The following ADGRD1 variants were observed in gnomAD, a reference collection of about 807,000 sequenced individuals.
ADGRD1 encodes G-protein coupled receptor 133.
Under a neutral mutation model 113.4 loss-of-function variants are expected in ADGRD1, and 77 were observed. The ratio of observed to expected loss-of-function variants is 0.68; its 90% CI spans 0.57 to 0.82. The LOEUF is 0.82. Among genes scored for constraint, ADGRD1 ranks in the 40% least tolerant of loss-of-function variants. The pLI, the probability that ADGRD1 is intolerant of heterozygous loss-of-function variation, is 0.00. For synonymous variants in ADGRD1, 474 were observed against 475.0 expected (o/e 1.00, Z 0.03); for missense variants, 1,036 against 1,139.1 (o/e 0.91, Z 1.30).
chr12:131,134,981 C>T (rs560184918), intron 21 of ADGRD1, among the ~76,000 whole-genome samples: 132 of 152,330 alleles, frequency 8.7e-4, no homozygotes, highest in African/African-American at 3.0e-3. Flanking sequence ...AGGCATGTGA[C>T]AGTGGCTGAC....
chr12:130,984,883 TTC>T lies in ADGRD1; in HGVS notation c.491-2210_491-2209del, dbSNP rs998795572. 2.0e-5 allele frequency among the ~76,000 whole-genome samples: 3 copies of T among 147,524 alleles called. No homozygotes were observed. Among genetic ancestry groups the T allele is most frequent in the African/African-American group, 7.4e-5 (3 of 40,438 alleles). ...TCCCTTCCTTTCCTTCTTTCCTTCC[TTC>T]TTTCTTCTCTTCTCTCTCTCTCTCA... On this transcript the variant is annotated intron_variant, in intron 5 of 24. Transcript: ENST00000261654. The surrounding 1 kb of genome is among the most constrained non-coding windows in gnomAD (Gnocchi z 4.1).
At chr12:130,958,885 G>A (rs1870008654) in intron 2 of ADGRD1, among the ~76,000 whole-genome samples, 1 of 152,246 alleles carries the variant, frequency 6.6e-6, no homozygotes, top group African/African-American at 2.4e-5. Context: ...GAGCCCTGCG[G>A]TGGTGTCACG....
intron 13 of ADGRD1, among the ~76,000 whole-genome samples, chr12:131,024,922 G>A (rs2272508): frequency 0.24 from 36,979 of 152,186 alleles, 5,337 homozygotes; most frequent in South Asian, 0.4. Flanking sequence ...CCTGCTGGCT[G>A]TGGCCCGAGG....
intron 15 of ADGRD1, among the ~76,000 whole-genome samples, chr12:131,103,872 C>T (rs1410509750): frequency 3.3e-5 from 5 of 152,166 alleles, no homozygotes; most frequent in African/African-American, 9.7e-5. Flanking sequence ...GGAGGAAGCA[C>T]GTGGCGCCCT....
At chr12:131,040,394 T>C (rs1881996261) in intron 13 of ADGRD1, among the ~76,000 whole-genome samples, 1 of 152,252 alleles carries the variant, frequency 6.6e-6, no homozygotes, top group Non-Finnish European at 1.5e-5. Flanking sequence ...TTAAAGTAAA[T>C]GTATATTATT....
chr12:131,004,844 C>T (rs1239174139), intron 11 of ADGRD1, among the ~76,000 whole-genome samples: 1 of 152,154 alleles, frequency 6.6e-6, no homozygotes, highest in African/African-American at 2.4e-5. Flanking sequence ...ACCAGGGAGC[C>T]CTGTTGGGAG....
chr12:131,080,499 A>T (rs1290561763), intron 14 of ADGRD1, among the ~76,000 whole-genome samples: 1 of 152,170 alleles, frequency 6.6e-6, no homozygotes, highest in Non-Finnish European at 1.5e-5. Flanking sequence ...GATAGTTAAG[A>T]TTATGTCTTC....
intron 18 of ADGRD1, among the ~76,000 whole-genome samples, chr12:131,110,953 G>T (rs1200442740): frequency 6.6e-6 from 1 of 152,042 alleles, no homozygotes. Flanking sequence ...TGGCTCGATT[G>T]TTTCTCATAA....
intron 4 of ADGRD1, chr12:130,978,705 G>A (rs1357904414): frequency 6.6e-6 from 1 of 152,156 alleles, no homozygotes; most frequent in East Asian, 1.9e-4. Context: ...ACACCACATG[G>A]AATTTTTTTA....
chr12:131,104,825 C>A lies in ADGRD1; in HGVS notation c.1672-6C>A. 1 of 1,545,064 alleles carries A rather than the reference C, an allele frequency of 6.5e-7. No homozygotes were observed. Among genetic ancestry groups the A allele is most frequent in the Non-Finnish European group, 8.7e-7 (1 of 1,146,030 alleles). ...GCTGCTGACGCCTCTGCTCTGCTCC[C>A]CGCAGCTTGCACGCGGACACCAGGT... On this transcript the variant is annotated splice_polypyrimidine_tract_variant and splice_region_variant and intron_variant, in intron 15 of 24. Coordinates refer to ENST00000261654, the MANE Select transcript of ADGRD1 (RefSeq NM_198827.5).
At chr12:131,082,636 G>A (rs1593181062) in intron 14 of ADGRD1, among the ~76,000 whole-genome samples, 2 of 152,126 alleles carry the variant, frequency 1.3e-5, no homozygotes, top group African/African-American at 2.4e-5. Context: ...AGACAAAGGC[G>A]CAATATATAA....
chr12:130,993,578 C>CT (rs1446669344), intron 8 of ADGRD1, among the ~76,000 whole-genome samples: 1 of 152,006 alleles, frequency 6.6e-6, no homozygotes, highest in Non-Finnish European at 1.5e-5. Context: ...AGAGACCTGG[C>CT]TTTGACCCCA....
chr12:131,097,457 G>A (rs1887371597), intron 15 of ADGRD1, among the ~76,000 whole-genome samples: 1 of 152,208 alleles, frequency 6.6e-6, no homozygotes, highest in Non-Finnish European at 1.5e-5. Context: ...ACCTGTCCCC[G>A]GGCTGTCGGT....
Position 131,084,390 on chromosome 12 carries a change from AC to A in ADGRD1, c.1548-148del. The A allele has an allele frequency of 1.3e-6, 1 of 762,138 alleles. No individual in the cohort carries two copies. The highest frequency in any genetic ancestry group is 2.2e-5 in the Admixed American group (1 of 45,250). The allele number at this position is 762,138 out of a possible 1,614,324, so 47.2% of individuals were successfully genotyped here. On this transcript the variant is annotated intron_variant, in intron 14 of 24. Coordinates refer to ENST00000261654, the MANE Select transcript of ADGRD1 (RefSeq NM_198827.5). The surrounding 1 kb of genome is among the most constrained non-coding windows in gnomAD (Gnocchi z 4.5). Reference sequence around the variant, plus strand: ...CAGAATCTCTCCTCCCAACCCCCACACCACGGTCTGGGTGTGCATTCCTGGC... The same window carrying A: ...CAGAATCTCTCCTCCCAACCCCCACACACGGTCTGGGTGTGCATTCCTGGC...
intron 12 of ADGRD1, among the ~76,000 whole-genome samples, chr12:131,010,612 G>A (rs561484951): frequency 1.3e-5 from 2 of 152,312 alleles, no homozygotes; most frequent in East Asian, 3.9e-4. Context: ...ACGGAAGGCG[G>A]AGCAGCAGCG....
intron 13 of ADGRD1, among the ~76,000 whole-genome samples, chr12:131,019,111 T>G (rs372334078): frequency 6.6e-6 from 1 of 152,246 alleles, no homozygotes; most frequent in South Asian, 2.1e-4. Flanking sequence ...CTCCCCAAAC[T>G]ATCAAATAAT....
chr12:130,996,859 C>T (rs1418296597), intron 8 of ADGRD1, among the ~76,000 whole-genome samples: 12 of 115,834 alleles, frequency 1.0e-4, no homozygotes, highest in South Asian at 2.9e-4. Context: ...CCCTCCCGGA[C>T]GGGGTGGCTG....
chr12:131,118,261 T>C, intron 18 of ADGRD1, 124 bp from the exon 19 acceptor site: 1 of 688,624 alleles, frequency 1.5e-6, no homozygotes, highest in South Asian at 1.9e-5. Context: ...TAGCACATAG[T>C]TCCCCCTCTG....
At chr12:131,052,356 C>A (rs1163438032) in intron 13 of ADGRD1, among the ~76,000 whole-genome samples, 1 of 152,218 alleles carries the variant, frequency 6.6e-6, no homozygotes, top group Admixed American at 6.5e-5. Flanking sequence ...CGACCTTGTG[C>A]CCACATCACC....
Sources: gnomAD v4.1 joint callset for allele counts (sites outside exome capture counted in the v4.1 genomes callset) on GRCh38, gnomAD v4.1.1 for gene constraint, Gnocchi (gnomAD v3.1) non-coding constraint, MANE v1.5 for transcripts, NCBI Gene and HGNC (gene_info 2026-07-23, HGNC 2026-07-21) for gene names.